Variants in ZNF426 observed in about 807,000 individuals in gnomAD.
ZNF426 encodes the protein CTC-543D15.7.
In ZNF426, 23 loss-of-function variants were observed where a neutral mutation model predicts 24.0. The observed-to-expected ratio is 0.96, with a 90% CI of 0.69 to 1.36. The LOEUF is 1.36. Among genes scored for constraint, ZNF426 ranks in the 40% most tolerant of loss-of-function variants. The pLI, the probability that ZNF426 is intolerant of heterozygous loss-of-function variation, is 0.00. For missense variants in ZNF426, 646 were observed against 658.4 expected (o/e 0.98, Z 0.21); for synonymous variants, 272 against 224.6 (o/e 1.21, Z -1.89).
At position 9,528,421 on chromosome 19, in the gene ZNF426, T is replaced by C. The variant is rs770741788; in HGVS notation, c.1624A>G (p.Ser542Gly). The change falls in exon 8 of 8, where the codon AGT becomes GGT. Residue 542 changes from serine to glycine, a missense_variant. By Grantham distance (56) the Ser-to-Gly change is moderately conservative. Transcript: ENST00000253115. ...TGTCTTCGAAGTGAACGGGGATGAC[T>C]GTAAGCTTTCCCGCATTGCTGACAT... ...YKCQQCGKAYSHPRSLRRHEQ... is the reference protein window; with the variant it reads ...YKCQQCGKAYGHPRSLRRHEQ... The C allele has an allele frequency of 1.8e-5, 29 of 1,609,426 alleles. No homozygotes were observed. The South Asian group carries it at 3.2e-4, about 18-fold the overall frequency.
chr19:9,536,967 T>G (rs748774562), intron 2 of ZNF426, among the ~76,000 whole-genome samples: 1 of 152,136 alleles, frequency 6.6e-6, no homozygotes, highest in South Asian at 2.1e-4. Flanking sequence ...ACTCCATCTC[T>G]ACTAAAAATA....
chr19:9,536,410 C>A lies in ZNF426; in HGVS notation c.-124-54G>T. ...CAGTACTTAATCATCAGCCATCAAA[C>A]ATATACACCGGCTGGGGCAGTAGCT... On this transcript the variant is annotated intron_variant, in intron 2 of 7. Transcript: ENST00000253115. The A allele has an allele frequency of 2.0e-6, 3 of 1,488,772 alleles. No individual in the cohort carries two copies. The South Asian group carries it at 3.9e-5, about 19-fold the overall frequency. The allele number at this position is 1,488,772 out of a possible 1,614,324, so 92.2% of individuals were successfully genotyped here.
Position 9,527,847 on chromosome 19 carries a change from T to C in ZNF426, c.*533A>G, listed in dbSNP as rs1403163223. On this transcript the variant is annotated 3_prime_UTR_variant, in exon 8 of 8. Transcript: ENST00000253115. ...AAGGATCTGTCCCAGTGCTCTGTCT[T>C]TGGCTTGCAGATGGCCATCATCTGA... 4 of 152,506 alleles carry C rather than the reference T, an allele frequency of 2.6e-5. No homozygotes were observed. The highest frequency in any genetic ancestry group is 7.2e-5 in the African/African-American group (3 of 41,426). 9.4% of individuals were successfully genotyped at this position (152,506 alleles called of 1,614,324 possible). A position where few individuals can be genotyped will look rare whatever the true frequency, so the allele number is the denominator to read the frequency against.
chr19:9,532,968 AG>A (rs746562883), intron 5 of ZNF426, 43 bp from the exon 6 acceptor site: 18 of 1,506,172 alleles, frequency 1.2e-5, no homozygotes, highest in Middle Eastern at 1.7e-4. Flanking sequence ...CTCATAAAAA[AG>A]ATTACAAACC....
At chr19:9,536,599 A>G (rs2073969442) in intron 2 of ZNF426, 1 of 274,960 alleles carries the variant, frequency 3.6e-6, no homozygotes, top group Admixed American at 5.0e-5. Flanking sequence ...CCAGAACCTG[A>G]ATGCAAGTAC....
rs1223902558 is a variant in ZNF426, at chr19:9,529,621, C to T, written c.424G>A (p.Gly142Arg). The change falls in exon 8 of 8, where the codon GGA becomes AGA. Residue 142 changes from glycine to arginine, a missense_variant. By Grantham distance (125) the Gly-to-Arg change is moderately radical. Coordinates refer to ENST00000253115, the MANE Select transcript of ZNF426 (RefSeq NM_024106.3). ...TGCTCACAGTCACAGAGTTCCCTTC[C>T]ATTGTGTTTTCCTTCCTGTTGAAGG... ...IGIQLEGKHN[G>R]RELCDCEQCG... 1 of 1,592,034 alleles carries T rather than the reference C, an allele frequency of 6.3e-7. No individual in the cohort carries two copies. The highest frequency in any genetic ancestry group is 1.8e-5 in the Admixed American group (1 of 56,980).
chr19:9,535,192 T>C lies in ZNF426; in HGVS notation c.113A>G (p.Tyr38Cys), dbSNP rs747931487. 2 of 1,611,090 alleles carry C rather than the reference T, an allele frequency of 1.2e-6. No individual in the cohort carries two copies. Among genetic ancestry groups the C allele is most frequent in the South Asian group, 2.2e-5 (2 of 90,948 alleles). Residue 38 changes from tyrosine (Y) to cysteine (C), a missense_variant, in exon 4 of 8, where the codon TAT (tyrosine) becomes TGT (cysteine). Coordinates refer to ENST00000253115, the MANE Select transcript of ZNF426 (RefSeq NM_024106.3). ...AAGAATACAGCTGCTTTTTACCTGA[T>C]AACAATCTGTTAGGCAGTCAGCCAC... Reference protein sequence around the residue: ...RIVADCLTDCYQDSVTFDDVA... With the variant: ...RIVADCLTDCCQDSVTFDDVA...
chr19:9,529,804 T>C (rs374792433), intron 7 of ZNF426, among the ~76,000 whole-genome samples, 168 bp from the exon 8 acceptor site: 223 of 152,306 alleles, frequency 1.5e-3, no homozygotes, highest in Non-Finnish European at 2.7e-3. Flanking sequence ...ACTTAACTCT[T>C]ATTCTAGAAT....
At position 9,532,893 on chromosome 19, in the gene ZNF426, A is replaced by G; in HGVS notation, c.277T>C (p.Trp93Arg). ...GTCCTTGACTCTTCTTGTTCCAACCAAGAGATTAGACTGGGTTTGATGATC... is the reference window on the plus strand; with the variant it reads ...GTCCTTGACTCTTCTTGTTCCAACCGAGAGATTAGACTGGGTTTGATGATC... ...GQIIKPSLISWLEQEESRTVQ... is the reference protein window; with the variant it reads ...GQIIKPSLISRLEQEESRTVQ... The change falls in exon 6 of 8, where the codon TGG becomes CGG. Residue 93 changes from tryptophan (W) to arginine (R), a missense_variant. Trp to Arg is a moderately radical substitution (Grantham distance 101). Transcript: ENST00000253115. 1 of 1,614,086 alleles carries G rather than the reference A, an allele frequency of 6.2e-7. No individual in the cohort carries two copies. Among genetic ancestry groups the G allele is most frequent in the Non-Finnish European group, 8.5e-7 (1 of 1,179,960 alleles).
At position 9,531,085 on chromosome 19, in the gene ZNF426, A is replaced by G; in HGVS notation, c.326-18T>C. ...TTCCCATCCTGAAATAAAACAGACA[A>G]ACAAATAAAAGGACTCAAGCTAGGC... On this transcript the variant is annotated intron_variant, in intron 6 of 7. Transcript: ENST00000253115. The G allele has an allele frequency of 6.2e-7, 1 of 1,607,510 alleles. No individual in the cohort carries two copies. The highest frequency in any genetic ancestry group is 8.5e-7 in the Non-Finnish European group (1 of 1,174,002).
rs1384036974 is a variant in ZNF426, at chr19:9,524,065, G to A, written c.*4315C>T. ...GTTTGTGTTCTAAAATGTTTATCAA[G>A]GACTAAGTGGCAGGCAAGGGCTTTC... On this transcript the variant is annotated 3_prime_UTR_variant, in exon 8 of 8. Transcript: ENST00000253115. The A allele has an allele frequency of 6.5e-6, 1 of 153,076 alleles. No homozygotes were observed. Among genetic ancestry groups the A allele is most frequent in the Non-Finnish European group, 1.5e-5 (1 of 68,256 alleles). The allele number at this position is 153,076 out of a possible 1,614,324, so 9.5% of individuals were successfully genotyped here.
Position 9,535,221 on chromosome 19 carries a change from T to C in ZNF426, c.84A>G (p.Arg28=). 3 of 1,613,660 alleles carry C rather than the reference T, an allele frequency of 1.9e-6. No individual in the cohort carries two copies. The highest frequency in any genetic ancestry group is 2.5e-6 in the Non-Finnish European group (3 of 1,179,698). Residue 28 remains arginine (R), a synonymous_variant, in exon 4 of 8, where the codon AGA becomes AGG. Transcript: ENST00000253115. ...AATCTGTTAGGCAGTCAGCCACTAT[T>C]CTTCCTGCTGGTGTCTTTTCTTCAT... ...CLHEEKTPAG[R]IVADCLTDCY...
chr19:9,529,168 C>A lies in ZNF426; in HGVS notation c.877G>T (p.Ala293Ser). ...GTTCGCATGTGAATACTGAGGTAGG[C>A]TGGGTATCTATAGCCTTTTCCACAT... ...KECGKGYRYPAYLSIHMRTHT... is the reference protein window; with the variant it reads ...KECGKGYRYPSYLSIHMRTHT... The change falls in exon 8 of 8, where the codon GCC becomes TCC. Residue 293 changes from alanine to serine, a missense_variant. Transcript: ENST00000253115. 1 of 1,614,144 alleles carries A rather than the reference C, an allele frequency of 6.2e-7. No individual in the cohort carries two copies. Among genetic ancestry groups the A allele is most frequent in the Non-Finnish European group, 8.5e-7 (1 of 1,180,026 alleles).
At chr19:9,533,349 G>A (rs924874943) in intron 5 of ZNF426, among the ~76,000 whole-genome samples, 7 of 152,096 alleles carry the variant, frequency 4.6e-5, no homozygotes, top group African/African-American at 1.7e-4. Context: ...CCAGCTATTC[G>A]GGAGGCTGAG....
In ZNF426 at chr19:9,529,539, C is replaced by CT; in HGVS notation, c.505dup (p.Ser169LysfsTer7). On this transcript the variant is annotated frameshift_variant, in exon 8 of 8. Coordinates refer to ENST00000253115, the MANE Select transcript of ZNF426 (RefSeq NM_024106.3). LOFTEE classifies it low-confidence loss of function (END_TRUNC). ...ATTACAGTCATGAGTGTTCCCTGTA[C>CT]TTTGAGTTCTCACGTGCGTCTTAAG... 1.9e-6 allele frequency: 3 copies of CT among 1,611,908 alleles called. No individual in the cohort carries two copies. The highest frequency in any genetic ancestry group is 2.5e-6 in the Non-Finnish European group (3 of 1,180,006).
intron 6 of ZNF426, 24 bp from the exon 7 acceptor site, chr19:9,531,091 T>C: frequency 1.3e-6 from 2 of 1,594,996 alleles, no homozygotes; most frequent in South Asian, 2.2e-5. Flanking sequence ...GACAAACAAA[T>C]AAAAGGACTC....
chr19:9,526,840 G>A lies in ZNF426; in HGVS notation c.*1540C>T, dbSNP rs551784538. 5.6e-4 allele frequency: 85 copies of A among 152,160 alleles called. No individual in the cohort carries two copies. Among genetic ancestry groups the A allele is most frequent in the African/African-American group, 2.0e-3 (84 of 41,498 alleles). 9.4% of individuals were successfully genotyped at this position (152,160 alleles called of 1,614,324 possible). Reference sequence around the variant, plus strand: ...AAAATTTTCATAGAAGCCAGAGGGGGGGAAATGCTTTAAGTATTGAGGATC... The same window carrying A: ...AAAATTTTCATAGAAGCCAGAGGGGAGGAAATGCTTTAAGTATTGAGGATC... On this transcript the variant is annotated 3_prime_UTR_variant, in exon 8 of 8. Transcript: ENST00000253115.
chr19:9,535,835 G>GA (rs1214992506), intron 3 of ZNF426, among the ~76,000 whole-genome samples: 437 of 102,830 alleles, frequency 4.2e-3, no homozygotes, highest in South Asian at 6.6e-3. Context: ...CTTTGTATAA[G>GA]AAAAAAAAAA....
In ZNF426 at chr19:9,529,652, T is replaced by C. The variant is rs374275155; in HGVS notation, c.409-16A>G. On this transcript the variant is annotated splice_polypyrimidine_tract_variant and intron_variant, in intron 7 of 7. Transcript: ENST00000253115. ...GTTTTCCTTCCTGTTGAAGGGATGA[T>C]GATGATTTAAGGATTTTTCTCAAAC... The C allele has an allele frequency of 1.1e-5, 17 of 1,566,582 alleles. No homozygotes were observed. Among genetic ancestry groups the C allele is most frequent in the Non-Finnish European group, 1.4e-5 (16 of 1,165,738 alleles).
Sources: allele counts gnomAD v4.1 joint callset (sites outside exome capture counted in the v4.1 genomes callset), GRCh38; gene constraint gnomAD v4.1.1; transcripts MANE v1.5; gene names NCBI Gene and HGNC (gene_info 2026-07-23, HGNC 2026-07-21).